Variants in GRM7 observed in about 807,000 individuals in gnomAD.
GRM7 encodes the protein metabotropic glutamate receptor 7.
In GRM7, 35 loss-of-function variants were observed where a neutral mutation model predicts 84.5. That is an observed-to-expected ratio of 0.41 (90% CI 0.32 to 0.55). The LOEUF (loss-of-function observed/expected upper bound fraction) is 0.55. Among genes scored for constraint, GRM7 ranks in the 20% least tolerant of loss-of-function variants. The probability of loss-of-function intolerance (pLI) is 0.19; values close to 1 mark genes in which losing one functional copy is unlikely to be tolerated. For synonymous variants in GRM7, 487 were observed against 455.1 expected, an observed-to-expected ratio of 1.07 and a Z score of -0.89; for missense variants, 1,003 against 1,194.6, an observed-to-expected ratio of 0.84 and a Z score of 2.36.
chr3:7,579,603 A>C (rs1031014851), intron 8 of GRM7, among the ~76,000 whole-genome samples: 2 of 152,310 alleles, frequency 1.3e-5, no homozygotes, highest in African/African-American at 4.8e-5. Flanking sequence ...AGAATTATTA[A>C]ATGTAATGAG....
chr3:6,987,921 C>T (rs1011822276), intron 1 of GRM7, among the ~76,000 whole-genome samples: 3 of 151,592 alleles, frequency 2.0e-5, no homozygotes, highest in Non-Finnish European at 2.9e-5. Context: ...AACTCAGGCC[C>T]ATGGAGCTAG....
At chr3:7,434,216 G>A (rs958888790) in intron 5 of GRM7, among the ~76,000 whole-genome samples, 5 of 152,102 alleles carry the variant, frequency 3.3e-5, no homozygotes, top group Non-Finnish European at 7.4e-5. Flanking sequence ...TAGCTCATTT[G>A]TAGATTTCTT....
intron 4 of GRM7, among the ~76,000 whole-genome samples, chr3:7,364,507 T>C (rs1693797803): frequency 6.6e-6 from 1 of 151,826 alleles, no homozygotes; most frequent in Non-Finnish European, 1.5e-5. Flanking sequence ...TATTTATTTA[T>C]ATAATTTGCT....
chr3:7,270,187 T>C (rs1038807088), intron 2 of GRM7, among the ~76,000 whole-genome samples: 9 of 152,198 alleles, frequency 5.9e-5, no homozygotes, highest in Non-Finnish European at 1.0e-4. Context: ...ATGTCGTCAT[T>C]TCTTTCTTGA....
intron 2 of GRM7, among the ~76,000 whole-genome samples, chr3:7,224,971 G>T (rs954558601): frequency 2.6e-5 from 4 of 152,064 alleles, no homozygotes; most frequent in Admixed American, 2.6e-4. Context: ...TTGATAGTAA[G>T]AATTGTTAAT....
chr3:6,883,093 T>C (rs964626369), intron 1 of GRM7, among the ~76,000 whole-genome samples: 12 of 152,190 alleles, frequency 7.9e-5, no homozygotes, highest in African/African-American at 2.7e-4. Flanking sequence ...TTTATTTCAT[T>C]TGTGCCACTC....
At position 7,298,947 on chromosome 3, in the gene GRM7, G is replaced by A. The variant is rs368379604; in HGVS notation, c.878+122G>A. ...ATCAAAGCTGTAATCATACAGCGGC[G>A]AAGTCTGTGCTTGCCTCTACCCAAC... On this transcript the variant is annotated intron_variant, in intron 3 of 9. Transcript: ENST00000357716. 54 of 885,144 alleles carry A rather than the reference G, an allele frequency of 6.1e-5. 1 individual carries two copies. Among genetic ancestry groups the A allele is most frequent in the South Asian group, 3.9e-4 (27 of 69,904 alleles). 54.8% of individuals were successfully genotyped at this position (885,144 alleles called of 1,614,324 possible).
intron 8 of GRM7, among the ~76,000 whole-genome samples, chr3:7,613,452 A>G (rs987809828): frequency 7.9e-5 from 12 of 152,140 alleles, no homozygotes; most frequent in African/African-American, 2.2e-4. Flanking sequence ...AACACTCTAA[A>G]TATGTGGCAT....
At chr3:7,446,020 C>T (rs1223226956) in intron 5 of GRM7, among the ~76,000 whole-genome samples, 2 of 152,088 alleles carry the variant, frequency 1.3e-5, no homozygotes, top group African/African-American at 2.4e-5. Flanking sequence ...TCTTGTAATA[C>T]ATTCATTTAC....
intron 9 of GRM7, chr3:7,680,576 T>C: frequency 2.4e-6 from 1 of 414,160 alleles, no homozygotes; most frequent in Non-Finnish European, 4.4e-6. Flanking sequence ...ATCCTCCAAC[T>C]GACAAATGCA....
chr3:7,679,486 T>G (rs912143179), intron 8 of GRM7, among the ~76,000 whole-genome samples: 5 of 152,004 alleles, frequency 3.3e-5, no homozygotes, highest in Non-Finnish European at 5.9e-5. Flanking sequence ...CACTTGTGTT[T>G]TATAAGACAG....
intron 1 of GRM7, among the ~76,000 whole-genome samples, chr3:6,970,606 T>G (rs187660243): frequency 7.2e-4 from 109 of 152,208 alleles, no homozygotes; most frequent in Non-Finnish European, 1.2e-3. Flanking sequence ...GGACGTTATC[T>G]CTTAGGCTGG....
At chr3:7,650,525 G>GT (rs1698883771) in intron 8 of GRM7, among the ~76,000 whole-genome samples, 2 of 152,218 alleles carry the variant, frequency 1.3e-5, no homozygotes, top group South Asian at 2.1e-4. Context: ...TGTTGTTTTT[G>GT]TTTTTTAATT....
chr3:7,606,398 G>A (rs1053626182), intron 8 of GRM7, among the ~76,000 whole-genome samples: 67 of 152,204 alleles, frequency 4.4e-4, no homozygotes, highest in Non-Finnish European at 7.1e-4. Context: ...TAGGTGAAAG[G>A]AAAATTTTTT....
At position 7,486,671 on chromosome 3, in the gene GRM7, C is replaced by T. The variant is rs1356991943; in HGVS notation, c.1515+24949C>T. Among the ~76,000 whole-genome samples, 1 of 152,132 alleles carries T rather than the reference C, an allele frequency of 6.6e-6. No homozygotes were observed. The highest frequency in any genetic ancestry group is 2.4e-5 in the African/African-American group (1 of 41,426). Reference sequence around the variant, plus strand: ...CCCAGAAGCAGAGCAGATGTTGGCACCATGCTTCTTGGACTTCCCAGCCAC... The same window carrying T: ...CCCAGAAGCAGAGCAGATGTTGGCATCATGCTTCTTGGACTTCCCAGCCAC... On this transcript the variant is annotated intron_variant, in intron 7 of 9. Transcript: ENST00000357716. This position sits in a 1 kb window ranked among gnomAD's most constrained non-coding sequence, Gnocchi z 5.5.
At chr3:7,040,405 C>T (rs1037036477) in intron 1 of GRM7, among the ~76,000 whole-genome samples, 1 of 151,900 alleles carries the variant, frequency 6.6e-6, no homozygotes, top group Non-Finnish European at 1.5e-5. Flanking sequence ...TGGGTTAAAG[C>T]GATTCTCCTG....
chr3:7,304,332 A>T (rs1415550876), intron 3 of GRM7, among the ~76,000 whole-genome samples: 1 of 113,728 alleles, frequency 8.8e-6, no homozygotes, highest in African/African-American at 3.2e-5. Flanking sequence ...TTGCCTCTTG[A>T]GAGGTTAATA....
chr3:7,547,817 C>G (rs1052502131), intron 7 of GRM7, among the ~76,000 whole-genome samples: 16 of 152,188 alleles, frequency 1.1e-4, no homozygotes, highest in African/African-American at 3.9e-4. Context: ...AAATTCTCCC[C>G]TAATCTATCA....
At chr3:6,929,996 AC>A (rs752226611) in intron 1 of GRM7, among the ~76,000 whole-genome samples, 25 of 152,166 alleles carry the variant, frequency 1.6e-4, no homozygotes, top group Non-Finnish European at 3.4e-4. Flanking sequence ...ATTTTCCCCA[AC>A]CCATATGTGG....
Sources: allele counts gnomAD v4.1 joint callset (sites outside exome capture counted in the v4.1 genomes callset), GRCh38; gene constraint gnomAD v4.1.1; non-coding constraint Gnocchi (gnomAD v3.1); transcripts MANE v1.5; gene names NCBI Gene and HGNC (gene_info 2026-07-23, HGNC 2026-07-21).